The following KIF16B variants were observed in gnomAD, a reference collection of about 807,000 sequenced individuals.
The protein encoded by KIF16B is kinesin-like protein KIF16B.
KIF16B carries 98 observed loss-of-function variants against 156.3 expected under a neutral mutation model. That is an observed-to-expected ratio of 0.63 (90% CI 0.53 to 0.74). The LOEUF is 0.74. KIF16B is among the 30% of genes least tolerant of loss of function. The pLI, the probability that KIF16B is intolerant of heterozygous loss-of-function variation, is 0.00. For missense variants in KIF16B, 1,421 were observed against 1,606.5 expected (o/e 0.88, Z 1.97); for synonymous variants, 564 against 583.7 (o/e 0.97, Z 0.49).
At chr20:16,458,700 G>C (rs947521832) in intron 12 of KIF16B, among the ~76,000 whole-genome samples, 2 of 151,910 alleles carry the variant, frequency 1.3e-5, no homozygotes, top group African/African-American at 4.8e-5. Flanking sequence ...GGAACAGAGG[G>C]AAAGAGAAAG....
chr20:16,573,297 C>CG lies in KIF16B; in HGVS notation c.-23dup. 1 of 1,609,226 alleles carries CG rather than the reference C, an allele frequency of 6.2e-7. No individual in the cohort carries two copies. The highest frequency in any genetic ancestry group is 8.5e-7 in the Non-Finnish European group (1 of 1,178,638). The stretch of plus-strand genomic sequence containing the variant: ...CCATCGCTCATCCCGAACCAGCCCG[C>CG]GCGGGGTCCCACTAGCCCAGAACTC... On this transcript the variant is annotated 5_prime_UTR_variant, in exon 1 of 26. Transcript: ENST00000354981.
At chr20:16,468,121 A>T (rs79972830) in intron 12 of KIF16B, among the ~76,000 whole-genome samples, 3,959 of 152,254 alleles carry the variant, frequency 0.026, 184 homozygotes, top group African/African-American at 0.089. Flanking sequence ...CTGTCTATAT[A>T]AAAAAAGCCC....
At chr20:16,525,458 G>A (rs1395560973) in intron 3 of KIF16B, among the ~76,000 whole-genome samples, 1 of 151,796 alleles carries the variant, frequency 6.6e-6, no homozygotes, top group Non-Finnish European at 1.5e-5. Flanking sequence ...TTGTCCCTCT[G>A]CTCACCTGAA....
At chr20:16,339,290 G>A (rs562985268) in intron 23 of KIF16B, among the ~76,000 whole-genome samples, 2 of 152,244 alleles carry the variant, frequency 1.3e-5, no homozygotes, top group East Asian at 1.9e-4. Flanking sequence ...GTCTGATAGC[G>A]TTCTCCTCCT....
intron 12 of KIF16B, among the ~76,000 whole-genome samples, chr20:16,487,562 A>G (rs535064868): frequency 6.6e-6 from 1 of 152,346 alleles, no homozygotes; most frequent in South Asian, 2.1e-4. Context: ...GGAGACAAAA[A>G]GTTCAGTGGA....
intron 1 of KIF16B, among the ~76,000 whole-genome samples, chr20:16,534,263 A>G (rs1456335824): frequency 1.3e-5 from 2 of 152,006 alleles, no homozygotes; most frequent in African/African-American, 4.8e-5. Flanking sequence ...TCAAATAAAA[A>G]AAAAAAATTA....
At chr20:16,329,424 C>T (rs991664816) in intron 24 of KIF16B, among the ~76,000 whole-genome samples, 1 of 152,140 alleles carries the variant, frequency 6.6e-6, no homozygotes, top group East Asian at 1.9e-4. Flanking sequence ...AAGCCTTACA[C>T]TGATTTTAAT....
chr20:16,344,259 G>C (rs1278432658), intron 23 of KIF16B, among the ~76,000 whole-genome samples: 1 of 152,174 alleles, frequency 6.6e-6, no homozygotes, highest in African/African-American at 2.4e-5. Flanking sequence ...TACTAAGCCA[G>C]AAGTAGTAAA....
intron 21 of KIF16B, 133 bp downstream of exon 21, chr20:16,371,532 G>C (rs960651494): frequency 5.2e-6 from 3 of 577,882 alleles, no homozygotes; most frequent in Non-Finnish European, 9.2e-6. Flanking sequence ...GGAGGTTGCA[G>C]TGAGCCAAGA....
intron 24 of KIF16B, among the ~76,000 whole-genome samples, chr20:16,317,826 T>G (rs1304368242): frequency 2.6e-5 from 4 of 152,078 alleles, no homozygotes; most frequent in Non-Finnish European, 4.4e-5. Context: ...AATATGGGGA[T>G]GAGAAAAAGA....
intron 24 of KIF16B, among the ~76,000 whole-genome samples, chr20:16,314,857 T>TC (rs1212205761): frequency 6.6e-6 from 1 of 151,680 alleles, no homozygotes; most frequent in African/African-American, 2.4e-5. Context: ...ACAAACACAC[T>TC]CCCCCCATGT....
chr20:16,379,886 G>T lies in KIF16B; in HGVS notation c.2116C>A (p.Gln706Lys). The stretch of plus-strand genomic sequence containing the variant: ...TCTTTGAGTCGTTGGAGTTCTTCTT[G>T]GACGCGGAGAAAGGTCTCTTCTTCT... ...RQEEETFLRV[Q>K]EELQRLKELN... The change falls in exon 19 of 26, where the codon CAA becomes AAA. Residue 706 changes from glutamine to lysine, a missense_variant. Physicochemically the swap from Gln to Lys is moderately conservative, Grantham distance 53. Coordinates refer to ENST00000354981, the MANE Select transcript of KIF16B (RefSeq NM_024704.5). 6.2e-7 allele frequency: 1 copy of T among 1,614,072 alleles called. No individual in the cohort carries two copies. The highest frequency in any genetic ancestry group is 8.5e-7 in the Non-Finnish European group (1 of 1,180,020).
At chr20:16,497,394 C>T (rs2068481706) in intron 11 of KIF16B, among the ~76,000 whole-genome samples, 1 of 152,246 alleles carries the variant, frequency 6.6e-6, no homozygotes, top group Admixed American at 6.5e-5. Context: ...AACTAACCAT[C>T]ATGTGCCAGA....
intron 23 of KIF16B, among the ~76,000 whole-genome samples, chr20:16,355,782 C>T (rs1004558536): frequency 6.6e-6 from 1 of 150,504 alleles, no homozygotes; most frequent in Admixed American, 6.6e-5. Flanking sequence ...ACACTTGAAA[C>T]AAATGAGGAG....
At chr20:16,512,794 TCA>T in intron 5 of KIF16B, 30 bp downstream of exon 5, 1 of 1,462,076 alleles carries the variant, frequency 6.8e-7, no homozygotes, top group Non-Finnish European at 9.6e-7. Flanking sequence ...CTAATCAAGC[TCA>T]CACACAGTTA....
intron 22 of KIF16B, among the ~76,000 whole-genome samples, chr20:16,365,519 G>A (rs984762464): frequency 4.6e-5 from 7 of 152,192 alleles, no homozygotes; most frequent in African/African-American, 9.7e-5. Flanking sequence ...ACACATGGCT[G>A]CAGCCACCAG....
intron 22 of KIF16B, 34 bp from the exon 23 acceptor site, chr20:16,356,486 A>G: frequency 6.2e-7 from 1 of 1,612,710 alleles, no homozygotes; most frequent in East Asian, 2.2e-5. Context: ...GAGAACAAAG[A>G]GAAACCAGAA....
intron 12 of KIF16B, among the ~76,000 whole-genome samples, chr20:16,492,992 C>T (rs946279247): frequency 1.3e-5 from 2 of 152,172 alleles, no homozygotes; most frequent in African/African-American, 2.4e-5. Context: ...ATTTGGTGAA[C>T]TTATTCCACA....
chr20:16,446,553 T>C (rs891818101), intron 12 of KIF16B, among the ~76,000 whole-genome samples: 1 of 152,188 alleles, frequency 6.6e-6, no homozygotes, highest in Non-Finnish European at 1.5e-5. Flanking sequence ...TGTGCTTTAT[T>C]AACCCAATTA....
Sources: allele counts gnomAD v4.1 joint callset (sites outside exome capture counted in the v4.1 genomes callset), GRCh38; gene constraint gnomAD v4.1.1; transcripts MANE v1.5; gene names NCBI Gene and HGNC (gene_info 2026-07-23, HGNC 2026-07-21).